MORC3: variants seen among roughly 807,000 people sequenced by gnomAD.
MORC3 encodes MORC family CW-type zinc finger 3.
Under a neutral mutation model 109.1 loss-of-function variants are expected in MORC3, and 31 were observed. The ratio of observed to expected loss-of-function variants is 0.28; its 90% CI spans 0.21 to 0.38. The LOEUF is 0.38. MORC3 is among the 10% of genes least tolerant of loss of function. The pLI is 1.00. For missense variants in MORC3, 867 were observed against 1,135.8 expected (o/e 0.76, Z 3.40); for synonymous variants, 395 against 380.7 (o/e 1.04, Z -0.44).
intron 2 of MORC3, among the ~76,000 whole-genome samples, chr21:36,336,491 G>A (rs148299270): frequency 1.7e-3 from 254 of 149,400 alleles, no homozygotes; most frequent in African/African-American, 5.4e-3. Flanking sequence ...TGATCTGCCC[G>A]CCTCAGCCTC....
rs563948880 is a variant in MORC3 at position 36,329,819 on chromosome 21, G to T, written c.40-3827G>T. On this transcript the variant is annotated intron_variant, in intron 1 of 16. Transcript: ENST00000400485. ...TCTTGTGGAAAAAAATGTACATTGTGTAGAGAATCCTCTTTTCCCTTTTTT... is the reference window on the plus strand; with the variant it reads ...TCTTGTGGAAAAAAATGTACATTGTTTAGAGAATCCTCTTTTCCCTTTTTT... Among the ~76,000 whole-genome samples the T allele has an allele frequency of 2.0e-5, 3 of 152,162 alleles. No individual in the cohort carries two copies. The South Asian group carries it at 6.2e-4, about 32-fold the overall frequency.
chr21:36,345,052 G>T (rs2146309107), intron 8 of MORC3, 21 bp downstream of exon 8: 1 of 1,572,078 alleles, frequency 6.4e-7, no homozygotes, highest in South Asian at 1.2e-5. Context: ...TTTTTTATTT[G>T]AAAAGAAAAT....
intron 9 of MORC3, among the ~76,000 whole-genome samples, chr21:36,351,091 A>G: frequency 1.1e-5 from 1 of 93,884 alleles, no homozygotes; most frequent in Admixed American, 1.8e-4. Flanking sequence ...TTTGAGACTG[A>G]GTCTCACTCT....
At chr21:36,336,482 G>A (rs1458177381) in intron 2 of MORC3, among the ~76,000 whole-genome samples, 1 of 152,078 alleles carries the variant, frequency 6.6e-6, no homozygotes, top group African/African-American at 2.4e-5. Context: ...GACCTCAGGT[G>A]ATCTGCCCGC....
intron 8 of MORC3, among the ~76,000 whole-genome samples, chr21:36,346,316 G>T (rs915068413): frequency 6.6e-6 from 1 of 152,224 alleles, no homozygotes; most frequent in African/African-American, 2.4e-5. Flanking sequence ...AATGCGCTCG[G>T]CCTAGTATAT....
In MORC3 at chr21:36,360,385, G is replaced by T. The variant is rs2085699688; in HGVS notation, c.1406+127G>T. ...ACTGAAAAAGTTTATAATGTGGAGT[G>T]CGTAATATCAAGGGCTTTAAAAACA... On this transcript the variant is annotated intron_variant, in intron 12 of 16. Transcript: ENST00000400485. The T allele has an allele frequency of 3.2e-6, 3 of 942,020 alleles. No individual in the cohort carries two copies. The East Asian group carries it at 7.8e-5, about 25-fold the overall frequency. 58.4% of individuals were successfully genotyped at this position (942,020 alleles called of 1,614,324 possible).
chr21:36,333,803 AAC>A, intron 2 of MORC3, 85 bp downstream of exon 2: 3 of 1,107,338 alleles, frequency 2.7e-6, no homozygotes, highest in Non-Finnish European at 3.9e-6. Flanking sequence ...TTTTTTTTTA[AAC>A]AGAGTCTCTC....
At chr21:36,373,142 C>T (rs2085889039) in intron 16 of MORC3, among the ~76,000 whole-genome samples, 1 of 152,052 alleles carries the variant, frequency 6.6e-6, no homozygotes, top group Non-Finnish European at 1.5e-5. Flanking sequence ...GAGTTCAAGA[C>T]CAGCCTGGCC....
In MORC3 at chr21:36,340,886, C is replaced by T. The variant is rs1392547377; in HGVS notation, c.609-513C>T. 2.0e-5 allele frequency among the ~76,000 whole-genome samples: 3 copies of T among 152,188 alleles called. No homozygotes were observed. In the East Asian group the frequency reaches 5.8e-4, roughly 29 times the overall value. On this transcript the variant is annotated intron_variant, in intron 5 of 16. Coordinates refer to ENST00000400485, the MANE Select transcript of MORC3 (RefSeq NM_015358.3). ...TTCTGACCTCAGGTGATCCACATGCCTCAGCCTCCCAAAGTGGTAGGATTA... is the reference window on the plus strand; with the variant it reads ...TTCTGACCTCAGGTGATCCACATGCTTCAGCCTCCCAAAGTGGTAGGATTA...
At chr21:36,369,991 C>T in intron 15 of MORC3, 115 bp downstream of exon 15, 2 of 1,247,260 alleles carry the variant, frequency 1.6e-6, no homozygotes, top group East Asian at 4.7e-5. Context: ...CTTGGGGAGG[C>T]CAAGGCGGGT....
chr21:36,342,423 C>T (rs1357371013), intron 6 of MORC3, among the ~76,000 whole-genome samples: 1 of 151,814 alleles, frequency 6.6e-6, no homozygotes, highest in African/African-American at 2.4e-5. Flanking sequence ...GAGATTAGGT[C>T]TTTGGGTGTC....
At chr21:36,329,848 T>TTTTTG (rs2085294359) in intron 1 of MORC3, among the ~76,000 whole-genome samples, 1 of 152,110 alleles carries the variant, frequency 6.6e-6, no homozygotes, top group South Asian at 2.1e-4. Context: ...CTTTTTTCTT[T>TTTTTG]TCTTTTTTTG....
intron 9 of MORC3, among the ~76,000 whole-genome samples, chr21:36,354,682 A>G (rs567829923): frequency 1.6e-4 from 25 of 152,340 alleles, no homozygotes; most frequent in African/African-American, 5.5e-4. Context: ...TGCCTGTATC[A>G]TAGAAGTGTC....
chr21:36,371,383 A>G lies in MORC3; in HGVS notation c.2509-991A>G, dbSNP rs922540187. On this transcript the variant is annotated intron_variant, in intron 15 of 16. Coordinates refer to ENST00000400485, the MANE Select transcript of MORC3 (RefSeq NM_015358.3). ...AAACCCATCATAGGTTGGAAACAGCATTAACTCCAACATTCATTTAATTAC... is the reference window on the plus strand; with the variant it reads ...AAACCCATCATAGGTTGGAAACAGCGTTAACTCCAACATTCATTTAATTAC... Among the ~76,000 whole-genome samples, 4 of 152,220 alleles carry G rather than the reference A, an allele frequency of 2.6e-5. No homozygotes were observed. In the South Asian group the frequency reaches 6.2e-4, roughly 24 times the overall value.
rs759111630 is a variant in MORC3, at chr21:36,375,117, A to G, written c.2667-26A>G. On this transcript the variant is annotated intron_variant, in intron 16 of 16. Coordinates refer to ENST00000400485, the MANE Select transcript of MORC3 (RefSeq NM_015358.3). ...GAATCTTAACTTGTAATGCTCATCT[A>G]ATAAGTTACATATTTGTATTTGCAG... 4.4e-6 allele frequency: 7 copies of G among 1,593,604 alleles called. No individual in the cohort carries two copies. The South Asian group carries it at 4.5e-5, about 10-fold the overall frequency.
At position 36,356,742 on chromosome 21, in the gene MORC3, ACATAT is replaced by A. The variant is rs748282076; in HGVS notation, c.1208+22_1208+26del. On this transcript the variant is annotated intron_variant, in intron 10 of 16. Coordinates refer to ENST00000400485, the MANE Select transcript of MORC3 (RefSeq NM_015358.3). Reference sequence around the variant, plus strand: ...GATATACAGTAAGTACATTTTTAAAACATATCATTTCACTTAGATATCAAGATGTG... The same window carrying A: ...GATATACAGTAAGTACATTTTTAAAACATTTCACTTAGATATCAAGATGTG... 1 of 1,428,262 alleles carries A rather than the reference ACATAT, an allele frequency of 7.0e-7. No individual in the cohort carries two copies. The highest frequency in any genetic ancestry group is 9.7e-7 in the Non-Finnish European group (1 of 1,032,236). 88.5% of individuals were successfully genotyped at this position (1,428,262 alleles called of 1,614,324 possible).
At chr21:36,341,622 G>A (rs1257171433) in intron 6 of MORC3, 76 bp downstream of exon 6, 1 of 1,572,540 alleles carries the variant, frequency 6.4e-7, no homozygotes, top group Non-Finnish European at 8.6e-7. Context: ...CATGTTACCT[G>A]CTTGTGATAG....
At chr21:36,334,022 C>T (rs895373593) in intron 2 of MORC3, among the ~76,000 whole-genome samples, 10 of 151,816 alleles carry the variant, frequency 6.6e-5, no homozygotes, top group South Asian at 4.2e-4. Context: ...CTCCTGACCT[C>T]GTGATCCGCC....
At chr21:36,340,638 C>CTTTTTTTTTTTTTTTTTTTTTTTTT (rs34899654) in intron 5 of MORC3, among the ~76,000 whole-genome samples, 1 of 123,678 alleles carries the variant, frequency 8.1e-6, no homozygotes, top group Non-Finnish European at 1.7e-5. Context: ...TTCTTTCTTT[C>CTTTTTTTTTTTTTTTTTTTTTTTTT]TTTTTTTTTT....
Sources: allele counts gnomAD v4.1 joint callset (sites outside exome capture counted in the v4.1 genomes callset), GRCh38; gene constraint gnomAD v4.1.1; transcripts MANE v1.5; gene names NCBI Gene and HGNC (gene_info 2026-07-23, HGNC 2026-07-21).